Variants in OBSL1 observed in about 807,000 individuals in gnomAD.
The protein encoded by OBSL1 is obscurin like cytoskeletal adaptor 1.
OBSL1 carries 160 observed loss-of-function variants against 172.0 expected under a neutral mutation model. That is an observed-to-expected ratio of 0.93 (90% CI 0.82 to 1.06). OBSL1 has a LOEUF of 1.06. Ranked by LOEUF, OBSL1 falls within the 50% of genes least tolerant of loss-of-function variation. The probability of loss-of-function intolerance (pLI) is 0.00; values close to 1 mark genes in which losing one functional copy is unlikely to be tolerated. For missense variants in OBSL1, 2,681 were observed against 2,715.4 expected (o/e 0.99, Z 0.28); for synonymous variants, 1,200 against 1,196.3 (o/e 1.00, Z -0.06).
Position 219,568,213 on chromosome 2 carries a change from C to A in OBSL1, c.1124G>T (p.Arg375Leu). ...GCAGGGCAGCAGCCGCTGGTCCTCA[C>A]GGAACCAGGCCGTGGGGATGCGGGA... ...PNSRIPTAWF[R>L]EDQRLLPCRK... The change falls in exon 2 of 21, where the codon CGT (arginine) becomes CTT (leucine). Residue 375 changes from arginine to leucine, a missense_variant. Arg to Leu is a moderately radical substitution (Grantham distance 102). Around this residue, in one of 5 missense-constraint regions of OBSL1, gnomAD observed 706 missense variants for 695.8 expected, o/e 1.01. Coordinates refer to ENST00000404537, the MANE Select transcript of OBSL1 (RefSeq NM_015311.3). This position sits in a 1 kb window ranked among gnomAD's most constrained non-coding sequence, Gnocchi z 4.1. 6.2e-7 allele frequency: 1 copy of A among 1,613,626 alleles called. No homozygotes were observed. The highest frequency in any genetic ancestry group is 8.5e-7 in the Non-Finnish European group (1 of 1,179,858).
At chr2:219,552,366 G>C (rs1042369365) in intron 18 of OBSL1, 150 bp from the exon 19 acceptor site, 1 of 888,438 alleles carries the variant, frequency 1.1e-6, no homozygotes, top group Non-Finnish European at 1.7e-6. Context: ...GGGAAGCCTA[G>C]AGGTCCGGGA....
rs572524983 is a variant in OBSL1, at chr2:219,570,514, G to T, written c.719C>A (p.Ala240Asp). 2 of 1,610,736 alleles carry T rather than the reference G, an allele frequency of 1.2e-6. No homozygotes were observed. The highest frequency in any genetic ancestry group is 2.7e-5 in the African/African-American group (2 of 74,802). Reference protein sequence around the residue: ...PESPPADPDEAPAPVVEPLKC... With the variant: ...PESPPADPDEDPAPVVEPLKC... ...GAGCGGCTCCACCACCGGCGCGGGGGCCTCGTCGGGGTCCGCGGGCGGGCT... is the reference window on the plus strand; with the variant it reads ...GAGCGGCTCCACCACCGGCGCGGGGTCCTCGTCGGGGTCCGCGGGCGGGCT... The change falls in exon 1 of 21, where the codon GCC (alanine) becomes GAC (aspartate). Residue 240 changes from alanine to aspartate, a missense_variant. This residue lies in a region of OBSL1 where 706 missense variants were observed against 695.8 expected (regional missense o/e 1.01). Coordinates refer to ENST00000404537, the MANE Select transcript of OBSL1 (RefSeq NM_015311.3).
Position 219,570,639 on chromosome 2 carries a change from C to T in OBSL1, c.594G>A (p.Ala198=). ...AGACGCCGGAATCCGGCAGCCGAGCCGCCAGGATGCGCAGTGCCAGGCTCG... is the reference window on the plus strand; with the variant it reads ...AGACGCCGGAATCCGGCAGCCGAGCTGCCAGGATGCGCAGTGCCAGGCTCG... ...PGASLALRIL[A]ARLPDSGVYV... Residue 198 remains alanine (A), a synonymous_variant, in exon 1 of 21, where the codon GCG becomes GCA. Transcript: ENST00000404537. 2 of 1,509,114 alleles carry T rather than the reference C, an allele frequency of 1.3e-6. No homozygotes were observed. The highest frequency in any genetic ancestry group is 1.8e-6 in the Non-Finnish European group (2 of 1,134,522). 93.5% of individuals were successfully genotyped at this position (1,509,114 alleles called of 1,614,324 possible). A position where few individuals can be genotyped will look rare whatever the true frequency, so the allele number is the denominator to read the frequency against.
At chr2:219,562,143 C>T (rs1696525519) in intron 8 of OBSL1, 2 of 661,934 alleles carry the variant, frequency 3.0e-6, no homozygotes, top group Non-Finnish European at 5.6e-6. Flanking sequence ...GCATTACTCA[C>T]CTGCTACTCC....
chr2:219,552,791 A>G, intron 17 of OBSL1, 77 bp downstream of exon 17: 1 of 1,520,280 alleles, frequency 6.6e-7, no homozygotes. Context: ...ACGCGCGGTC[A>G]TCAGGGTCCG....
Position 219,554,719 on chromosome 2 carries a change from C to T in OBSL1, c.4631G>A (p.Arg1544Gln), listed in dbSNP as rs751566502. Residue 1544 changes from arginine to glutamine, a missense_variant, in exon 15 of 21, where the codon CGG becomes CAG. Physicochemically the swap from Arg to Gln is conservative, Grantham distance 43. This residue lies in a region of OBSL1 where 1,765 missense variants were observed against 1,748.3 expected (regional missense o/e 1.01). Transcript: ENST00000404537. The stretch of plus-strand genomic sequence containing the variant: ...ACTGATGGTCACGTCCTCCAGAGGC[C>T]GCAGCACCCTCAGCTGCCTCGCTGG... ...SVRPRQLRVL[R>Q]PLEDVTISEG... The T allele has an allele frequency of 1.8e-5, 28 of 1,562,570 alleles. No individual in the cohort carries two copies. The highest frequency in any genetic ancestry group is 2.7e-5 in the African/African-American group (2 of 73,616).
intron 1 of OBSL1, among the ~76,000 whole-genome samples, 156 bp downstream of exon 1, chr2:219,570,065 G>T (rs1697220131): frequency 6.6e-6 from 1 of 152,210 alleles, no homozygotes; most frequent in Non-Finnish European, 1.5e-5. Flanking sequence ...CCGAATCCCT[G>T]GGGAGTGAGA....
Position 219,557,426 on chromosome 2 carries a change from A to G in OBSL1, c.3983T>C (p.Val1328Ala). Residue 1328 changes from valine (V) to alanine (A), a missense_variant, in exon 12 of 21, where the codon GTG becomes GCG. By Grantham distance (64) the Val-to-Ala change is moderately conservative. Coordinates refer to ENST00000404537, the MANE Select transcript of OBSL1 (RefSeq NM_015311.3). ...EQAGARQVLR[V>A]QGARSGDAGE... ...AGCGTCCCCGCTCCGTGCCCCCTGC[A>G]CCCGCAGCACCTGCCTGGCCCCGGC... 1 of 1,547,902 alleles carries G rather than the reference A, an allele frequency of 6.5e-7. No homozygotes were observed. The highest frequency in any genetic ancestry group is 8.7e-7 in the Non-Finnish European group (1 of 1,146,784).
intron 8 of OBSL1, 130 bp downstream of exon 8, chr2:219,562,272 A>G: frequency 8.4e-7 from 1 of 1,190,770 alleles, no homozygotes; most frequent in Non-Finnish European, 1.2e-6. Context: ...CATCTCAGCA[A>G]GAACCCTGGC....
chr2:219,558,609 A>G (rs979770355), intron 9 of OBSL1, 150 bp from the exon 10 acceptor site: 388 of 990,766 alleles, frequency 3.9e-4, no homozygotes, highest in Non-Finnish European at 4.3e-4. Flanking sequence ...TGTGCCAGGC[A>G]CTGTCCTAAG....
rs1249853314 is a variant in OBSL1 at position 219,556,211 on chromosome 2, C to G, written c.4418G>C (p.Gly1473Ala). 1.9e-6 allele frequency: 3 copies of G among 1,610,648 alleles called. No individual in the cohort carries two copies. The African/African-American group carries it at 4.0e-5, about 22-fold the overall frequency. ...GQDVCLEVETGRVGAAGAVRW... is the reference protein window; with the variant it reads ...GQDVCLEVETARVGAAGAVRW... ...CACGGCCCCCGCTGCACCCACTCGG[C>G]CTGTCTCCACTTCGAGACACACATC... Residue 1473 changes from glycine to alanine, a missense_variant, in exon 14 of 21, where the codon GGC becomes GCC. Physicochemically the swap from Gly to Ala is moderately conservative, Grantham distance 60. Transcript: ENST00000404537.
At chr2:219,563,721 G>A in intron 6 of OBSL1, 94 bp from the exon 7 acceptor site, 2 of 1,373,710 alleles carry the variant, frequency 1.5e-6, no homozygotes, top group Non-Finnish European at 2.0e-6. Flanking sequence ...CTGCACAAGA[G>A]GACACTGGAG....
Position 219,563,492 on chromosome 2 carries a change from T to C in OBSL1, c.2543A>G (p.Glu848Gly), listed in dbSNP as rs1696652212. The C allele has an allele frequency of 6.2e-7, 1 of 1,613,762 alleles. No individual in the cohort carries two copies. The highest frequency in any genetic ancestry group is 2.2e-5 in the East Asian group (1 of 44,868). ...CTCCAGCACCACGAAGTCACTCTCC[T>C]CCACCTCCTGCCCGTCCTTGTACCA... is the stretch of plus-strand genomic sequence containing the variant. ...VRWYKDGQEVEESDFVVLENE... is the reference protein window; with the variant it reads ...VRWYKDGQEVGESDFVVLENE... The change falls in exon 7 of 21, where the codon GAG becomes GGG. Residue 848 changes from glutamate (E) to glycine (G), a missense_variant. By Grantham distance (98) the Glu-to-Gly change is moderately conservative. This residue lies in a region of OBSL1 where 1,765 missense variants were observed against 1,748.3 expected (regional missense o/e 1.01). Coordinates refer to ENST00000404537, the MANE Select transcript of OBSL1 (RefSeq NM_015311.3).
At chr2:219,552,794 A>T (rs1276823781) in intron 17 of OBSL1, 74 bp downstream of exon 17, 22 of 1,520,658 alleles carry the variant, frequency 1.4e-5, no homozygotes, top group Non-Finnish European at 1.9e-5. Flanking sequence ...CGCGGTCATC[A>T]GGGTCCGGGG....
Position 219,570,873 on chromosome 2 carries a change from C to T in OBSL1, c.360G>A (p.Ser120=). 5 of 1,387,802 alleles carry T rather than the reference C, an allele frequency of 3.6e-6. No homozygotes were observed. Among genetic ancestry groups the T allele is most frequent in the South Asian group, 3.4e-5 (2 of 58,766 alleles). The allele number at this position is 1,387,802 out of a possible 1,614,324, so 86.0% of individuals were successfully genotyped here. ...ELQPAERPLP[S]PGSGEGAPVF... Reference sequence around the variant, plus strand: ...CCGGGGCGCCCTCCCCGGACCCCGGCGATGGCAGCGGGCGCTCGGCGGGCT... The same window carrying T: ...CCGGGGCGCCCTCCCCGGACCCCGGTGATGGCAGCGGGCGCTCGGCGGGCT... The change falls in exon 1 of 21, where the codon TCG becomes TCA. Residue 120 remains serine, a synonymous_variant. Transcript: ENST00000404537.
chr2:219,551,434 C>A (rs1398358416), intron 20 of OBSL1, 95 bp downstream of exon 20: 8 of 1,439,082 alleles, frequency 5.6e-6, no homozygotes, highest in Non-Finnish European at 7.4e-6. Flanking sequence ...CCCGTTGCCA[C>A]CCCAAGTTCT....
chr2:219,553,451 T>C (rs1273595788), intron 16 of OBSL1, 123 bp downstream of exon 16: 1 of 765,672 alleles, frequency 1.3e-6, no homozygotes, highest in Non-Finnish European at 2.3e-6. Context: ...AGGGATTAAA[T>C]ATAATGCAAA....
Position 219,562,456 on chromosome 2 carries a change from C to A in OBSL1, c.2899G>T (p.Glu967Ter). The change falls in exon 8 of 21, where the codon GAG becomes TAG. Residue 967 changes from glutamate (E) to a stop codon, truncating the protein, a stop_gained. Coordinates refer to ENST00000404537, the MANE Select transcript of OBSL1 (RefSeq NM_015311.3). LOFTEE classifies it high-confidence loss of function. ...TCATCGTCAATTTCACACAAGTACT[C>A]GCCGGAGTCCTCGAGCTGGACAGCG... ...LPAVQLEDSG[E>*]YLCEIDDESA... is the part of the protein sequence containing the mutation. 3 of 1,614,020 alleles carry A rather than the reference C, an allele frequency of 1.9e-6. No individual in the cohort carries two copies. Among genetic ancestry groups the A allele is most frequent in the East Asian group, 2.2e-5 (1 of 44,890 alleles).
chr2:219,556,598 C>T lies in OBSL1; in HGVS notation c.4192G>A (p.Val1398Ile), dbSNP rs147543583. The stretch of plus-strand genomic sequence containing the variant: ...TCCACCTGGGGCCCTGGAGTGACGA[C>T]GGCCCCATTGCGCAGCCAGGTGACA... ...ADVTWLRNGA[V>I]VTPGPQVEMA... Residue 1398 changes from valine (V) to isoleucine (I), a missense_variant, in exon 13 of 21, where the codon GTC becomes ATC. Val to Ile is a conservative substitution (Grantham distance 29). This residue lies in a region of OBSL1 where 1,765 missense variants were observed against 1,748.3 expected (regional missense o/e 1.01). Coordinates refer to ENST00000404537, the MANE Select transcript of OBSL1 (RefSeq NM_015311.3). 6.2e-3 allele frequency: 10,036 copies of T among 1,613,984 alleles called. 70 individuals carry two copies. The highest frequency in any genetic ancestry group is 0.02 in the South Asian group (1,817 of 91,084).
Sources: allele counts gnomAD v4.1 joint callset (sites outside exome capture counted in the v4.1 genomes callset), GRCh38; gene constraint gnomAD v4.1.1; regional missense constraint gnomAD v4.1.1; non-coding constraint Gnocchi (gnomAD v3.1); transcripts MANE v1.5; gene names NCBI Gene and HGNC (gene_info 2026-07-23, HGNC 2026-07-21).